The following RIPOR2 variants were observed in gnomAD, a reference collection of about 807,000 sequenced individuals.
The protein encoded by RIPOR2 is rho family-interacting cell polarization regulator 2.
In RIPOR2, 39 loss-of-function variants were observed where a neutral mutation model predicts 114.5. That is an observed-to-expected ratio of 0.34 (90% confidence interval 0.26 to 0.44). The LOEUF (loss-of-function observed/expected upper bound fraction) is 0.44. Among genes scored for constraint, RIPOR2 ranks in the 20% least tolerant of loss-of-function variants. The pLI is 1.00. For synonymous variants in RIPOR2, 445 were observed against 484.4 expected (o/e 0.92, Z 1.07); for missense variants, 1,007 against 1,255.1 (o/e 0.80, Z 2.99).
At chr6:24,978,017 C>G (rs368340308) in intron 1 of RIPOR2, among the ~76,000 whole-genome samples, 57 of 152,158 alleles carry the variant, frequency 3.7e-4, no homozygotes, top group Non-Finnish European at 7.2e-4. Flanking sequence ...GTCTGTTAAG[C>G]TGTGTGAATT....
At chr6:25,003,350 G>T (rs994689883) in intron 1 of RIPOR2, among the ~76,000 whole-genome samples, 1 of 151,218 alleles carries the variant, frequency 6.6e-6, no homozygotes, top group Admixed American at 6.6e-5. Context: ...TTTGAAAGAG[G>T]TCTACATGAA....
chr6:24,808,055 A>G (rs10806993), intron 21 of RIPOR2, among the ~76,000 whole-genome samples: 113,392 of 152,082 alleles, frequency 0.75, 44,433 homozygotes, highest in East Asian at 0.88. Flanking sequence ...CACTTAGACC[A>G]ATGAAAGCAG....
intron 1 of RIPOR2, among the ~76,000 whole-genome samples, chr6:24,951,925 C>G (rs889585383): frequency 6.6e-6 from 1 of 152,154 alleles, no homozygotes; most frequent in Admixed American, 6.5e-5. Flanking sequence ...GCTTACCTTC[C>G]GCTGGATCCA....
chr6:24,804,445 A>AT lies in RIPOR2; in HGVS notation c.*1927dup, dbSNP rs1272434632. ...ACTCATGCAATAGTCAAAATAAAAA[A>AT]TAAAAAAATGACAAACCAAACACAA... On this transcript the variant is annotated 3_prime_UTR_variant, in exon 22 of 22. Coordinates refer to ENST00000643898, the MANE Select transcript of RIPOR2 (RefSeq NM_001286445.3). 1.2e-5 allele frequency: 1 copy of AT among 80,650 alleles called. No homozygotes were observed. Among genetic ancestry groups the AT allele is most frequent in the African/African-American group, 3.0e-5 (1 of 32,972 alleles). 5.0% of individuals were successfully genotyped at this position (80,650 alleles called of 1,614,324 possible). A position where few individuals can be genotyped will look rare whatever the true frequency, so the allele number is the denominator to read the frequency against.
At chr6:25,033,932 C>A (rs1416847394) in intron 1 of RIPOR2, among the ~76,000 whole-genome samples, 1 of 151,874 alleles carries the variant, frequency 6.6e-6, no homozygotes, top group Non-Finnish European at 1.5e-5. Context: ...TGGATTAATT[C>A]TTTTCTTTTT....
intron 7 of RIPOR2, among the ~76,000 whole-genome samples, chr6:24,862,775 G>A (rs942115320): frequency 6.9e-6 from 1 of 145,676 alleles, no homozygotes; most frequent in African/African-American, 2.6e-5. Context: ...GACATCCATG[G>A]TCAAAATTTT....
At chr6:25,031,820 T>C (rs2113757624) in intron 1 of RIPOR2, among the ~76,000 whole-genome samples, 1 of 142,224 alleles carries the variant, frequency 7.0e-6, no homozygotes, top group South Asian at 2.2e-4. Context: ...ATAGAACATA[T>C]ATATTATATA....
At chr6:24,988,587 T>C (rs115845016) in intron 1 of RIPOR2, among the ~76,000 whole-genome samples, 2,131 of 152,350 alleles carry the variant, frequency 0.014, 15 homozygotes, top group Non-Finnish European at 0.023. Context: ...AAAGATCTGA[T>C]AAACTGTCAA....
In RIPOR2 at chr6:24,869,863, T is replaced by C. The variant is rs886690393; in HGVS notation, c.448-716A>G. On this transcript the variant is annotated intron_variant, in intron 5 of 21. Coordinates refer to ENST00000643898, the MANE Select transcript of RIPOR2 (RefSeq NM_001286445.3). Reference sequence around the variant, plus strand: ...AAATTGGGGTGCATTTTACAATTGCTACCGGCAGACAGCTGCCTGTACAAG... The same window carrying C: ...AAATTGGGGTGCATTTTACAATTGCCACCGGCAGACAGCTGCCTGTACAAG... 7.2e-5 allele frequency among the ~76,000 whole-genome samples: 11 copies of C among 152,372 alleles called. No homozygotes were observed. In the East Asian group the frequency reaches 2.1e-3, roughly 29 times the overall value.
chr6:24,940,909 C>T (rs1772093753), upstream of RIPOR2, among the ~76,000 whole-genome samples: 2 of 152,172 alleles, frequency 1.3e-5, no homozygotes, highest in African/African-American at 4.8e-5. Flanking sequence ...CCGCCTTGGC[C>T]TCCCAAAGGG....
In RIPOR2 at chr6:25,038,228, T is replaced by C. The variant is rs898556219; in HGVS notation, c.76+3623A>G. On this transcript the variant is annotated intron_variant, in intron 1 of 13. Coordinates refer to the RIPOR2 transcript ENST00000510784. Reference sequence around the variant, plus strand: ...CAGTAGCTCAAAATCGAAGTTCTATTGCAAAGATGACAATTAGGTTTTGTA... The same window carrying C: ...CAGTAGCTCAAAATCGAAGTTCTATCGCAAAGATGACAATTAGGTTTTGTA... Among the ~76,000 whole-genome samples, 34 of 152,380 alleles carry C rather than the reference T, an allele frequency of 2.2e-4. 6 individuals are homozygous for C. Among genetic ancestry groups the C allele is most frequent in the Admixed American group, 2.1e-3 (32 of 15,308 alleles).
intron 1 of RIPOR2, among the ~76,000 whole-genome samples, chr6:24,970,924 C>T (rs1046887297): frequency 4.6e-5 from 7 of 152,042 alleles, no homozygotes; most frequent in Non-Finnish European, 8.8e-5. Context: ...GCTCCAGTTT[C>T]CCCATCTGAA....
intron 1 of RIPOR2, among the ~76,000 whole-genome samples, chr6:24,988,523 C>G (rs1304255174): frequency 2.6e-5 from 4 of 152,178 alleles, no homozygotes; most frequent in African/African-American, 7.2e-5. Flanking sequence ...GAGCACACTT[C>G]CAATTGGTAT....
intron 19 of RIPOR2, among the ~76,000 whole-genome samples, chr6:24,824,008 C>T (rs1375977858): frequency 2.0e-5 from 3 of 152,158 alleles, no homozygotes; most frequent in South Asian, 2.1e-4. Context: ...CCACCCACCT[C>T]GGCCTCCCAA....
intron 19 of RIPOR2, among the ~76,000 whole-genome samples, chr6:24,820,180 A>G (rs1427821016): frequency 6.6e-6 from 1 of 151,798 alleles, no homozygotes; most frequent in Non-Finnish European, 1.5e-5. Context: ...TTACAGGCGG[A>G]TGCTATGATG....
intron 1 of RIPOR2, among the ~76,000 whole-genome samples, chr6:24,924,151 A>T (rs543034580): frequency 5.9e-5 from 9 of 152,296 alleles, no homozygotes; most frequent in African/African-American, 1.9e-4. Context: ...AGCTCTGCTA[A>T]TCCCATGTAA....
At chr6:24,845,581 TCCA>T (rs1360929691) in intron 12 of RIPOR2, among the ~76,000 whole-genome samples, 1 of 152,182 alleles carries the variant, frequency 6.6e-6, no homozygotes, top group East Asian at 1.9e-4. Context: ...GTCTTGAGAC[TCCA>T]AGACTCAAGC....
intron 1 of RIPOR2, among the ~76,000 whole-genome samples, chr6:24,926,696 T>C (rs62402043): frequency 0.12 from 18,161 of 152,190 alleles, 1,407 homozygotes; most frequent in East Asian, 0.34. Flanking sequence ...TTGTATAGAC[T>C]TGGGGGGCTG....
chr6:24,968,665 G>A (rs905460094), intron 1 of RIPOR2, among the ~76,000 whole-genome samples: 1 of 152,190 alleles, frequency 6.6e-6, no homozygotes, highest in African/African-American at 2.4e-5. Context: ...ACTAGGATGA[G>A]GGATTTTAGG....
Sources: gnomAD v4.1 joint callset for allele counts (sites outside exome capture counted in the v4.1 genomes callset) on GRCh38, gnomAD v4.1.1 for gene constraint, MANE v1.5 for transcripts, NCBI Gene and HGNC (gene_info 2026-07-23, HGNC 2026-07-21) for gene names.